Variants in CDK12 observed in about 807,000 individuals in gnomAD.
CDK12 encodes the protein cyclin-dependent kinase 12.
A neutral mutation model predicts 133.8 loss-of-function variants in CDK12; 17 were observed. The observed-to-expected ratio is 0.13, with a 90% CI of 0.09 to 0.19. CDK12 has a LOEUF of 0.19. CDK12 is among the 10% of genes least tolerant of loss of function. The probability of loss-of-function intolerance (pLI) is 1.00; values close to 1 mark genes in which losing one functional copy is unlikely to be tolerated. For missense variants in CDK12, 1,508 were observed against 1,818.7 expected, an observed-to-expected ratio of 0.83 and a Z score of 3.11; for synonymous variants, 694 against 683.6, an observed-to-expected ratio of 1.02 and a Z score of -0.24.
At chr17:39,563,797 G>C (rs1041398395) in intron 3 of CDK12, among the ~76,000 whole-genome samples, 10 of 150,366 alleles carry the variant, frequency 6.7e-5, no homozygotes, top group African/African-American at 2.4e-4. Flanking sequence ...GTGAGGAAGG[G>C]GGGAGAGAAG....
chr17:39,481,253 CAAAAAAAAAAAGA>C (rs565894825), intron 2 of CDK12, among the ~76,000 whole-genome samples: 1,380 of 59,656 alleles, frequency 0.023, 10 homozygotes, highest in South Asian at 0.063. Context: ...AACTCCGTCT[CAAAAAAAAAAAGA>C]AAAAAAAAAA....
At position 39,461,666 on chromosome 17, in the gene CDK12, C is replaced by T. The variant is rs187164282; in HGVS notation, c.-406C>T. 8.8e-5 allele frequency: 25 copies of T among 285,564 alleles called. No homozygotes were observed. Among genetic ancestry groups the T allele is most frequent in the African/African-American group, 5.3e-4 (25 of 46,866 alleles). The allele number at this position is 285,564 out of a possible 1,614,324, so 17.7% of individuals were successfully genotyped here. On this transcript the variant is annotated 5_prime_UTR_variant, in exon 1 of 14. Coordinates refer to ENST00000447079, the MANE Select transcript of CDK12 (RefSeq NM_016507.4). ...AGGAAGCCGTCCTGAACCGGGCTACCGGGTAGGGGAAGGGCCCGCGTAGTC... is the reference window on the plus strand; with the variant it reads ...AGGAAGCCGTCCTGAACCGGGCTACTGGGTAGGGGAAGGGCCCGCGTAGTC...
upstream of CDK12, among the ~76,000 whole-genome samples, chr17:39,545,355 T>G (rs564774151): frequency 1.3e-5 from 2 of 151,950 alleles, no homozygotes; most frequent in Admixed American, 6.6e-5. Flanking sequence ...GCCTAGGTAA[T>G]TTTTTGTATT....
chr17:39,527,762 G>T (rs2054578533), intron 13 of CDK12, among the ~76,000 whole-genome samples: 1 of 152,144 alleles, frequency 6.6e-6, no homozygotes, highest in Admixed American at 6.5e-5. Flanking sequence ...AGCCAGGCTG[G>T]TCTCGAACTC....
intron 2 of CDK12, among the ~76,000 whole-genome samples, chr17:39,482,158 G>T (rs565466871): frequency 1.3e-5 from 2 of 151,280 alleles, no homozygotes; most frequent in East Asian, 3.9e-4. Flanking sequence ...GATTACAGGC[G>T]TGTGCCACCA....
intron 6 of CDK12, among the ~76,000 whole-genome samples, chr17:39,503,015 GTTAC>G (rs2052835825): frequency 6.6e-6 from 1 of 152,080 alleles, no homozygotes; most frequent in Non-Finnish European, 1.5e-5. Context: ...GGAGGTAGAG[GTTAC>G]AGTGAGCCGA....
At chr17:39,493,478 T>C (rs570469247) in intron 4 of CDK12, among the ~76,000 whole-genome samples, 1 of 151,806 alleles carries the variant, frequency 6.6e-6, no homozygotes, top group African/African-American at 2.4e-5. Flanking sequence ...CCAGCTAATT[T>C]CTGTATTTTT....
intron 5 of CDK12, among the ~76,000 whole-genome samples, chr17:39,499,828 C>G (rs2052591982): frequency 6.6e-6 from 1 of 152,094 alleles, no homozygotes; most frequent in Non-Finnish European, 1.5e-5. Context: ...CTATGAATTT[C>G]ACTAATAATT....
At chr17:39,536,106 C>T (rs1386853362), downstream of CDK12, among the ~76,000 whole-genome samples, 1 of 152,112 alleles carries the variant, frequency 6.6e-6, no homozygotes, top group African/African-American at 2.4e-5. Context: ...AGTTGAAAGA[C>T]TGGGGGAGTA....
rs1351188510 is a variant in CDK12, at chr17:39,461,553, G to A, written c.-519G>A. ...TGAGGGAGAGAGTGTGTGTGGTGTG[G>A]AGGTGAAACGGAGGCAAGAAAGGGG... On this transcript the variant is annotated 5_prime_UTR_variant, in exon 1 of 14. Transcript: ENST00000447079. 4.0e-6 allele frequency: 1 copy of A among 252,128 alleles called. No individual in the cohort carries two copies. The allele number at this position is 252,128 out of a possible 1,614,324, so 15.6% of individuals were successfully genotyped here.
intron 2 of CDK12, among the ~76,000 whole-genome samples, chr17:39,472,658 C>G (rs1475432579): frequency 1.3e-5 from 2 of 152,050 alleles, no homozygotes; most frequent in Non-Finnish European, 2.9e-5. Flanking sequence ...CTGTGGATAT[C>G]ATGACACTTT....
intron 13 of CDK12, among the ~76,000 whole-genome samples, chr17:39,528,672 T>G (rs78076728): frequency 6.6e-6 from 1 of 152,164 alleles, no homozygotes; most frequent in African/African-American, 2.4e-5. Flanking sequence ...TTTACACATA[T>G]GAAAGAATTT....
chr17:39,508,497 C>G (rs1032719275), intron 6 of CDK12, among the ~76,000 whole-genome samples: 1 of 152,122 alleles, frequency 6.6e-6, no homozygotes, highest in African/African-American at 2.4e-5. Flanking sequence ...CCCAACATCT[C>G]GTCTTGCAGT....
chr17:39,471,814 A>G (rs763781449), intron 2 of CDK12, 51 bp downstream of exon 2: 1 of 1,460,622 alleles, frequency 6.8e-7, no homozygotes, highest in Non-Finnish European at 9.3e-7. Flanking sequence ...AACATAAAGC[A>G]TTTTCTGTTT....
downstream of CDK12, among the ~76,000 whole-genome samples, chr17:39,536,446 ATGTAGGG>A (rs1348291534): frequency 6.6e-6 from 1 of 152,166 alleles, no homozygotes; most frequent in Non-Finnish European, 1.5e-5. Flanking sequence ...CATTTGTGTT[ATGTAGGG>A]TACAAAAGAT....
Position 39,468,718 on chromosome 17 carries a change from G to A in CDK12, c.1047-2161G>A, listed in dbSNP as rs1409158707. Among the ~76,000 whole-genome samples, 13 of 151,908 alleles carry A rather than the reference G, an allele frequency of 8.6e-5. No homozygotes were observed. The South Asian group carries it at 2.3e-3, about 27-fold the overall frequency. On this transcript the variant is annotated intron_variant, in intron 1 of 13. Coordinates refer to ENST00000447079, the MANE Select transcript of CDK12 (RefSeq NM_016507.4). ...TCGAACTCCCGAACTCAGGTAATCC[G>A]CCTGCCTCAGCCTCCGAAAGTGTTG...
intron 9 of CDK12, 146 bp from the exon 10 acceptor site, chr17:39,517,294 T>A (rs746967170): frequency 3.2e-6 from 2 of 632,566 alleles, no homozygotes; most frequent in Non-Finnish European, 5.7e-6. Flanking sequence ...AGCAGTAATG[T>A]CATATTTTCC....
chr17:39,488,054 C>G (rs1257308450), intron 2 of CDK12, among the ~76,000 whole-genome samples: 1 of 152,008 alleles, frequency 6.6e-6, no homozygotes, highest in Non-Finnish European at 1.5e-5. Flanking sequence ...GGCAATATGG[C>G]AAGACCTTGT....
In CDK12 at chr17:39,533,122, C is replaced by T. The variant is rs1451195114; in HGVS notation, c.*1806C>T. On this transcript the variant is annotated 3_prime_UTR_variant, in exon 14 of 14. Coordinates refer to ENST00000447079, the MANE Select transcript of CDK12 (RefSeq NM_016507.4). ...ATGAAAGAAGAACCCTCTTCAGATA[C>T]TTACTTGAAGACTGTTTTCCCCTGT... The T allele has an allele frequency of 4.3e-6, 1 of 231,514 alleles. No individual in the cohort carries two copies. Among genetic ancestry groups the T allele is most frequent in the Non-Finnish European group, 8.5e-6 (1 of 117,226 alleles). 14.3% of individuals were successfully genotyped at this position (231,514 alleles called of 1,614,324 possible). A position where few individuals can be genotyped will look rare whatever the true frequency, so the allele number is the denominator to read the frequency against.
Sources: allele counts gnomAD v4.1 joint callset (sites outside exome capture counted in the v4.1 genomes callset), GRCh38; gene constraint gnomAD v4.1.1; transcripts MANE v1.5; gene names NCBI Gene and HGNC (gene_info 2026-07-23, HGNC 2026-07-21).